Variants in GNAI1 observed in about 807,000 individuals in gnomAD.
GNAI1 encodes the protein G protein subunit alpha i1.
Under a neutral mutation model 38.9 loss-of-function variants are expected in GNAI1, and 11 were observed. The ratio of observed to expected loss-of-function variants is 0.28; its 90% CI spans 0.18 to 0.47. The LOEUF (loss-of-function observed/expected upper bound fraction) is 0.47. GNAI1 is among the 20% of genes least tolerant of loss of function. The probability of loss-of-function intolerance (pLI) is 0.99; values close to 1 mark genes in which losing one functional copy is unlikely to be tolerated. For missense variants in GNAI1, 317 were observed against 436.9 expected (o/e 0.73, Z 2.45); for synonymous variants, 166 against 145.1 (o/e 1.14, Z -1.04).
intron 1 of GNAI1, among the ~76,000 whole-genome samples, chr7:80,138,854 G>A (rs1787472476): frequency 6.6e-6 from 1 of 151,992 alleles, no homozygotes; most frequent in South Asian, 2.1e-4. Flanking sequence ...CCAGGTTTGG[G>A]GGAAAATGAG....
intron 1 of GNAI1, among the ~76,000 whole-genome samples, chr7:80,162,244 A>G (rs896390257): frequency 2.6e-5 from 4 of 152,174 alleles, no homozygotes; most frequent in African/African-American, 7.2e-5. Context: ...TCTAGTTTCC[A>G]GAACTATCAG....
At chr7:80,137,332 T>TTTTTC (rs1298921465) in intron 1 of GNAI1, among the ~76,000 whole-genome samples, 1 of 136,480 alleles carries the variant, frequency 7.3e-6, no homozygotes, top group African/African-American at 2.8e-5. Context: ...TTTTTTTTTT[T>TTTTTC]TTTTTTGAGA....
chr7:80,222,054 C>A lies in GNAI1; in HGVS notation c.*4561C>A, dbSNP rs1789088789. 6.6e-6 allele frequency among the ~76,000 whole-genome samples: 1 copy of A among 151,966 alleles called. No homozygotes were observed. Among genetic ancestry groups the A allele is most frequent in the African/African-American group, 2.4e-5 (1 of 41,372 alleles). On this transcript the variant is annotated 3_prime_UTR_variant, in exon 8 of 8. Transcript: ENST00000649796. Reference sequence around the variant, plus strand: ...CTGTTTCCCAGGCATTTTTTTAAACCAATTACTGTTTGCTTTGGTGTCTGT... The same window carrying A: ...CTGTTTCCCAGGCATTTTTTTAAACAAATTACTGTTTGCTTTGGTGTCTGT...
At chr7:80,159,976 G>A (rs1232812448) in intron 1 of GNAI1, among the ~76,000 whole-genome samples, 3 of 152,158 alleles carry the variant, frequency 2.0e-5, no homozygotes, top group Admixed American at 6.6e-5. Flanking sequence ...TAGCAGTAAC[G>A]TTGACCTCTC....
At chr7:80,139,451 C>T (rs1787484714) in intron 1 of GNAI1, among the ~76,000 whole-genome samples, 1 of 152,192 alleles carries the variant, frequency 6.6e-6, no homozygotes, top group Non-Finnish European at 1.5e-5. Context: ...AAACTGTTGG[C>T]ACATGTTAAA....
chr7:80,205,258 G>A (rs958598367), intron 5 of GNAI1, among the ~76,000 whole-genome samples: 1 of 152,028 alleles, frequency 6.6e-6, no homozygotes, highest in Non-Finnish European at 1.5e-5. Flanking sequence ...AGAATTAAAT[G>A]AGTTGTAGAC....
In GNAI1 at chr7:80,168,292, C is replaced by A. The variant is rs537785250; in HGVS notation, c.119-20659C>A. Among the ~76,000 whole-genome samples the A allele has an allele frequency of 2.5e-3, 381 of 152,132 alleles. 1 individual carries two copies. Among genetic ancestry groups the A allele is most frequent in the Middle Eastern group, 0.014 (4 of 294 alleles). On this transcript the variant is annotated intron_variant, in intron 1 of 7. Transcript: ENST00000649796. ...ACTGTGAAATGTATTAGAAACAAGCCCCCCCATGCATACAAAGGCCATAAC... is the reference window on the plus strand; with the variant it reads ...ACTGTGAAATGTATTAGAAACAAGCACCCCCATGCATACAAAGGCCATAAC...
intron 1 of GNAI1, among the ~76,000 whole-genome samples, chr7:80,154,476 T>C (rs1177599935): frequency 6.6e-6 from 1 of 152,010 alleles, no homozygotes; most frequent in Non-Finnish European, 1.5e-5. Context: ...CTGGAAAGAG[T>C]GGCAGGAATG....
intron 6 of GNAI1, among the ~76,000 whole-genome samples, chr7:80,211,726 CTT>C (rs1223129367): frequency 6.6e-6 from 1 of 152,024 alleles, no homozygotes; most frequent in Non-Finnish European, 1.5e-5. Flanking sequence ...GCCGGTAAAT[CTT>C]TAATATATGT....
At chr7:80,158,645 C>G (rs181496901) in intron 1 of GNAI1, among the ~76,000 whole-genome samples, 1 of 152,304 alleles carries the variant, frequency 6.6e-6, no homozygotes, top group East Asian at 1.9e-4. Flanking sequence ...CCCAGCCATG[C>G]TGAACTGTGA....
intron 7 of GNAI1, among the ~76,000 whole-genome samples, chr7:80,213,321 C>G (rs1225484482): frequency 6.6e-6 from 1 of 152,150 alleles, no homozygotes; most frequent in Non-Finnish European, 1.5e-5. Flanking sequence ...AGGCAGCTAA[C>G]TCTTCCAGAA....
At chr7:80,217,225 T>TGTATGAAACTGACTTCAGTTTCCTAG in intron 7 of GNAI1, 78 bp from the exon 8 acceptor site, 1 of 905,158 alleles carries the variant, frequency 1.1e-6, no homozygotes, top group Non-Finnish European at 1.7e-6. Flanking sequence ...CAGTTTCATA[T>TGTATGAAACTGACTTCAGTTTCCTAG]GTATGAAACT....
At chr7:80,142,126 A>G (rs1489980811) in intron 1 of GNAI1, among the ~76,000 whole-genome samples, 3 of 152,192 alleles carry the variant, frequency 2.0e-5, no homozygotes, top group African/African-American at 4.8e-5. Context: ...AAGACCACCT[A>G]GACTTTTTCT....
rs1025199260 is a variant in GNAI1 at position 80,225,028 on chromosome 7, A to G, written c.*7535A>G. On this transcript the variant is annotated 3_prime_UTR_variant, in exon 8 of 8. Coordinates refer to ENST00000649796, the MANE Select transcript of GNAI1 (RefSeq NM_002069.6). ...GTTCCCAAGTTTTAGAGAAACACATACAAAAACTAAAAAGGATAGAATGCT... is the reference window on the plus strand; with the variant it reads ...GTTCCCAAGTTTTAGAGAAACACATGCAAAAACTAAAAAGGATAGAATGCT... 2.0e-5 allele frequency among the ~76,000 whole-genome samples: 3 copies of G among 152,232 alleles called. No individual in the cohort carries two copies. Among genetic ancestry groups the G allele is most frequent in the Admixed American group, 1.3e-4 (2 of 15,292 alleles).
intron 7 of GNAI1, among the ~76,000 whole-genome samples, chr7:80,216,855 A>G (rs1788977273): frequency 6.6e-6 from 1 of 152,156 alleles, no homozygotes; most frequent in African/African-American, 2.4e-5. Flanking sequence ...TGAGTGAAGA[A>G]TGCAAATTAA....
At chr7:80,213,195 C>T (rs1266056376) in intron 7 of GNAI1, among the ~76,000 whole-genome samples, 1 of 152,062 alleles carries the variant, frequency 6.6e-6, no homozygotes, top group Non-Finnish European at 1.5e-5. Context: ...ATGTCTCTGC[C>T]CACCATCTAA....
chr7:80,145,720 T>C (rs1787607730), intron 1 of GNAI1, among the ~76,000 whole-genome samples: 1 of 152,252 alleles, frequency 6.6e-6, no homozygotes, highest in Non-Finnish European at 1.5e-5. Context: ...GAGCTTCAGC[T>C]ATTTATGGTG....
intron 1 of GNAI1, among the ~76,000 whole-genome samples, chr7:80,150,101 TTGG>T (rs1787697723): frequency 6.6e-6 from 1 of 152,170 alleles, no homozygotes; most frequent in African/African-American, 2.4e-5. Context: ...GGAGCATCAA[TTGG>T]TAAAACAATT....
At position 80,224,430 on chromosome 7, in the gene GNAI1, A is replaced by G. The variant is rs1251790234; in HGVS notation, c.*6937A>G. The stretch of plus-strand genomic sequence containing the variant: ...TCTTCAAAATCCAGTGTCATTTCTT[A>G]GCCATATCTTCAAAATCCAGTGTCA... On this transcript the variant is annotated 3_prime_UTR_variant, in exon 8 of 8. Coordinates refer to ENST00000649796, the MANE Select transcript of GNAI1 (RefSeq NM_002069.6). Among the ~76,000 whole-genome samples the G allele has an allele frequency of 2.6e-5, 4 of 152,132 alleles. No individual in the cohort carries two copies. Among genetic ancestry groups the G allele is most frequent in the Non-Finnish European group, 5.9e-5 (4 of 67,998 alleles).
Sources: gnomAD v4.1 joint callset for allele counts (sites outside exome capture counted in the v4.1 genomes callset) on GRCh38, gnomAD v4.1.1 for gene constraint, MANE v1.5 for transcripts, NCBI Gene and HGNC (gene_info 2026-07-23, HGNC 2026-07-21) for gene names.